NAV2: variants seen among roughly 807,000 people sequenced by gnomAD.
The protein encoded by NAV2 is helicase, APC down-regulated 1.
Under a neutral mutation model 223.2 loss-of-function variants are expected in NAV2, and 54 were observed. The ratio of observed to expected loss-of-function variants is 0.24; its 90% confidence interval spans 0.19 to 0.30. The LOEUF is 0.30. Among genes scored for constraint, NAV2 ranks in the 10% least tolerant of loss-of-function variants. The probability of loss-of-function intolerance (pLI) is 1.00; values close to 1 mark genes in which losing one functional copy is unlikely to be tolerated. For missense variants in NAV2, 2,806 were observed against 3,147.5 expected, an observed-to-expected ratio of 0.89 and a Z score of 2.60; for synonymous variants, 1,279 against 1,239.3, an observed-to-expected ratio of 1.03 and a Z score of -0.67.
chr11:19,770,355 G>A (rs2055612247), intron 1 of NAV2, among the ~76,000 whole-genome samples: 1 of 152,014 alleles, frequency 6.6e-6, no homozygotes, highest in Admixed American at 6.6e-5. Flanking sequence ...ATGGCCACAG[G>A]TCCCCATGCC....
intron 1 of NAV2, among the ~76,000 whole-genome samples, chr11:19,737,450 G>A (rs1053324416): frequency 6.6e-6 from 1 of 152,188 alleles, no homozygotes; most frequent in African/African-American, 2.4e-5. Context: ...AGGGAGAAGG[G>A]ATGGGGAAGA....
chr11:19,358,419 T>C (rs140824214), intron 1 of NAV2, among the ~76,000 whole-genome samples: 332 of 152,294 alleles, frequency 2.2e-3, no homozygotes, highest in African/African-American at 7.6e-3. Flanking sequence ...CAGAGCCATG[T>C]AACTGCATAT....
intron 1 of NAV2, among the ~76,000 whole-genome samples, chr11:19,669,136 C>T (rs977027160): frequency 6.6e-6 from 1 of 152,146 alleles, no homozygotes; most frequent in Non-Finnish European, 1.5e-5. Flanking sequence ...AGCTATTCCT[C>T]AGTGCCAGAA....
At chr11:19,774,774 A>G (rs2056012369) in intron 1 of NAV2, among the ~76,000 whole-genome samples, 1 of 152,182 alleles carries the variant, frequency 6.6e-6, no homozygotes, top group Non-Finnish European at 1.5e-5. Context: ...GGGAAAGGTC[A>G]CAGGCTTTAT....
At chr11:19,565,481 T>C (rs1021854224) in intron 1 of NAV2, among the ~76,000 whole-genome samples, 3 of 152,166 alleles carry the variant, frequency 2.0e-5, no homozygotes, top group African/African-American at 7.2e-5. Flanking sequence ...ATTAGCAGTC[T>C]TGAAAACACC....
Position 19,999,379 on chromosome 11 carries a change from G to GT in NAV2, c.2768+15139dup, listed in dbSNP as rs1168244918. Among the ~76,000 whole-genome samples, 5 of 152,176 alleles carry GT rather than the reference G, an allele frequency of 3.3e-5. No individual in the cohort carries two copies. The East Asian group carries it at 9.6e-4, about 29-fold the overall frequency. On this transcript the variant is annotated intron_variant, in intron 11 of 37. Coordinates refer to ENST00000349880, the MANE Select transcript of NAV2 (RefSeq NM_145117.5). The stretch of plus-strand genomic sequence containing the variant: ...TATTATTGCTTTGGGAAAATGTGGG[G>GT]TTTTTTTGGATGGAGTTTTGCTCTT...
At chr11:19,394,789 G>A (rs1156757025) in intron 1 of NAV2, among the ~76,000 whole-genome samples, 3 of 152,170 alleles carry the variant, frequency 2.0e-5, no homozygotes, top group Admixed American at 6.5e-5. Flanking sequence ...GTGGCATGAG[G>A]GCCTGAAAGA....
intron 1 of NAV2, among the ~76,000 whole-genome samples, chr11:19,784,617 C>A (rs1479586899): frequency 6.6e-6 from 1 of 151,820 alleles, no homozygotes; most frequent in Non-Finnish European, 1.5e-5. Context: ...AAATTTTGGT[C>A]CTGTCTTGGG....
intron 1 of NAV2, among the ~76,000 whole-genome samples, chr11:19,352,493 G>A (rs1383008321): frequency 3.3e-5 from 5 of 152,164 alleles, no homozygotes; most frequent in African/African-American, 1.2e-4. Flanking sequence ...TGGCTGTGTT[G>A]GGTCCACATG....
intron 4 of NAV2, 128 bp from the exon 5 acceptor site, chr11:19,879,741 G>A: frequency 9.5e-7 from 1 of 1,055,964 alleles, no homozygotes; most frequent in South Asian, 1.5e-5. Flanking sequence ...AATTGCCTGT[G>A]ATACCAATGA....
chr11:19,444,505 A>C (rs1204778204), intron 1 of NAV2, among the ~76,000 whole-genome samples: 2 of 152,182 alleles, frequency 1.3e-5, no homozygotes, highest in African/African-American at 4.8e-5. Flanking sequence ...CATGTGCTGA[A>C]GATGGTGCAG....
chr11:19,447,298 A>G (rs560683537), intron 1 of NAV2, among the ~76,000 whole-genome samples: 1 of 152,292 alleles, frequency 6.6e-6, no homozygotes, highest in African/African-American at 2.4e-5. Context: ...TGTCCTATGA[A>G]CCCAAATAAT....
At position 19,573,934 on chromosome 11, in the gene NAV2, G is replaced by A. The variant is rs548666679; in HGVS notation, c.75+222907G>A. Among the ~76,000 whole-genome samples the A allele has an allele frequency of 5.7e-4, 87 of 152,342 alleles. 2 individuals are homozygous for A. In the South Asian group the frequency reaches 0.018, roughly 31 times the overall value. On this transcript the variant is annotated intron_variant, in intron 1 of 37. Coordinates refer to the NAV2 transcript ENST00000360655. ...GGCTAATTTACTGGCCTGCTGAGCA[G>A]CTGGTGGATGACTGGGGATTGTCTG...
intron 1 of NAV2, among the ~76,000 whole-genome samples, chr11:19,684,925 T>A (rs1590086862): frequency 6.6e-6 from 1 of 152,160 alleles, no homozygotes; most frequent in East Asian, 1.9e-4. Flanking sequence ...CCTGGCACAT[T>A]GTAGGTGCTC....
At chr11:19,868,797 G>T (rs2062264043) in intron 3 of NAV2, 128 bp from the exon 4 acceptor site, 5 of 769,886 alleles carry the variant, frequency 6.5e-6, no homozygotes, top group Non-Finnish European at 1.0e-5. Context: ...ACAAAAGAGA[G>T]TGTCCTATCT....
At chr11:19,370,216 C>T (rs1050071294) in intron 1 of NAV2, among the ~76,000 whole-genome samples, 5 of 152,194 alleles carry the variant, frequency 3.3e-5, no homozygotes, top group Non-Finnish European at 7.3e-5. Flanking sequence ...ATGTACTCAA[C>T]ATATTTCCCT....
At position 20,107,671 on chromosome 11, in the gene NAV2, G is replaced by C. The variant is rs2062261695; in HGVS notation, c.6849G>C (p.Arg2283=). ...HSSSDVTIGP[R]LFLSCPIDVD... is the part of the protein sequence containing the mutation. ...TTTCACTGTGGTCTCCAGGCCCCCG[G>C]CTCTTCCTGTCATGCCCCATCGATG... The change falls in exon 36 of 38, where the codon CGG becomes CGC. Residue 2283 remains arginine (R), a synonymous_variant. Coordinates refer to ENST00000349880, the MANE Select transcript of NAV2 (RefSeq NM_145117.5). The C allele has an allele frequency of 6.2e-7, 1 of 1,613,854 alleles. No individual in the cohort carries two copies.
rs1037182696 is a variant in NAV2, at chr11:20,062,679, G to A, written c.4884+320G>A. Among the ~76,000 whole-genome samples, 2 of 152,114 alleles carry A rather than the reference G, an allele frequency of 1.3e-5. 1 individual carries two copies. The highest frequency in any genetic ancestry group is 4.1e-4 in the South Asian group (2 of 4,822). ...TGAGCAATTTATTAATCCTTTGTCTGCCTCAGTTTCTTTCTTTCTTTCTTT... is the reference window on the plus strand; with the variant it reads ...TGAGCAATTTATTAATCCTTTGTCTACCTCAGTTTCTTTCTTTCTTTCTTT... On this transcript the variant is annotated intron_variant, in intron 20 of 37. Coordinates refer to ENST00000349880, the MANE Select transcript of NAV2 (RefSeq NM_145117.5).
In NAV2 at chr11:19,878,645, G is replaced by C. The variant is rs143611329; in HGVS notation, c.512-1224G>C. Among the ~76,000 whole-genome samples, 6 of 152,300 alleles carry C rather than the reference G, an allele frequency of 3.9e-5. No homozygotes were observed. In the East Asian group the frequency reaches 1.2e-3, roughly 29 times the overall value. ...AGTTCGTATTGTCAGTTTCTTCAGA[G>C]CCTGGAGAAAGGGATGCTCCAAGGG... On this transcript the variant is annotated intron_variant, in intron 4 of 37. Coordinates refer to ENST00000349880, the MANE Select transcript of NAV2 (RefSeq NM_145117.5).
Sources: allele counts gnomAD v4.1 joint callset (sites outside exome capture counted in the v4.1 genomes callset), GRCh38; gene constraint gnomAD v4.1.1; transcripts MANE v1.5; gene names NCBI Gene and HGNC (gene_info 2026-07-23, HGNC 2026-07-21).